GRK5: variants seen among roughly 807,000 people sequenced by gnomAD.
The protein encoded by GRK5 is G protein-coupled receptor kinase 5, also known as g protein-coupled receptor kinase GRK5.
Under a neutral mutation model 78.4 loss-of-function variants are expected in GRK5, and 40 were observed. The ratio of observed to expected loss-of-function variants is 0.51; its 90% confidence interval spans 0.40 to 0.66. The LOEUF (loss-of-function observed/expected upper bound fraction) is 0.66, where lower values mean the gene tolerates loss of function less well. Ranked by LOEUF, GRK5 falls within the 30% of genes least tolerant of loss-of-function variation. The pLI, the probability that GRK5 is intolerant of heterozygous loss-of-function variation, is 0.00. For synonymous variants in GRK5, 289 were observed against 296.8 expected, an observed-to-expected ratio of 0.97 and a Z score of 0.27; for missense variants, 598 against 759.9, an observed-to-expected ratio of 0.79 and a Z score of 2.50.
In GRK5 at chr10:119,282,060, G is replaced by A. The variant is rs559585491; in HGVS notation, c.53-44456G>A. Among the ~76,000 whole-genome samples, 311 of 152,076 alleles carry A rather than the reference G, an allele frequency of 2.0e-3. 1 individual carries two copies. The highest frequency in any genetic ancestry group is 3.9e-3 in the Non-Finnish European group (264 of 68,000). ...GTCTCTTGCTCTGCTGGCCACTGTCGCTTTCTGTGTGATCTCCCCATGCCA... is the reference window on the plus strand; with the variant it reads ...GTCTCTTGCTCTGCTGGCCACTGTCACTTTCTGTGTGATCTCCCCATGCCA... On this transcript the variant is annotated intron_variant, in intron 1 of 15. Transcript: ENST00000392870.
At chr10:119,320,899 C>T (rs1850572594) in intron 1 of GRK5, among the ~76,000 whole-genome samples, 1 of 152,204 alleles carries the variant, frequency 6.6e-6, no homozygotes, top group African/African-American at 2.4e-5. Flanking sequence ...GTGAGGTGGG[C>T]CTAGGGCAGC....
intron 1 of GRK5, among the ~76,000 whole-genome samples, chr10:119,224,103 A>C (rs1848698220): frequency 6.6e-6 from 1 of 152,132 alleles, no homozygotes; most frequent in South Asian, 2.1e-4. Context: ...GCAGTGTGCT[A>C]TGCACTGCAC....
intron 2 of GRK5, among the ~76,000 whole-genome samples, chr10:119,349,920 G>A (rs1311885533): frequency 6.6e-6 from 1 of 152,224 alleles, no homozygotes; most frequent in Non-Finnish European, 1.5e-5. Flanking sequence ...TGGAAGGTGT[G>A]GGCTGCTGTG....
At chr10:119,274,912 C>A (rs900713357) in intron 1 of GRK5, among the ~76,000 whole-genome samples, 1 of 152,278 alleles carries the variant, frequency 6.6e-6, no homozygotes, top group Middle Eastern at 3.4e-3. Context: ...CAAACAAAGA[C>A]CCTTTTAGTT....
intron 2 of GRK5, among the ~76,000 whole-genome samples, chr10:119,349,520 C>T (rs1851156247): frequency 6.6e-6 from 1 of 152,192 alleles, no homozygotes; most frequent in Non-Finnish European, 1.5e-5. Context: ...AACGCCTCCC[C>T]AGGGGGTCTC....
chr10:119,324,253 A>G (rs1416565222), intron 1 of GRK5, among the ~76,000 whole-genome samples: 1 of 152,238 alleles, frequency 6.6e-6, no homozygotes, highest in African/African-American at 2.4e-5. Flanking sequence ...TGGCTCTGCC[A>G]ATTATGAGCC....
chr10:119,384,449 G>A (rs897338056), intron 3 of GRK5, among the ~76,000 whole-genome samples: 2 of 152,186 alleles, frequency 1.3e-5, no homozygotes, highest in African/African-American at 4.8e-5. Context: ...TTAACCCCTC[G>A]TGTACTTCGT....
In GRK5 at chr10:119,455,291, C is replaced by G. The variant is rs756073020; in HGVS notation, c.*224C>G. On this transcript the variant is annotated 3_prime_UTR_variant, in exon 16 of 16. Coordinates refer to ENST00000392870, the MANE Select transcript of GRK5 (RefSeq NM_005308.3). ...CCCGGCCGGGGTGGATTGGATTTGT[C>G]TTTGGTGAACATTGCAATAGAAATC... The G allele has an allele frequency of 1.6e-5, 11 of 693,924 alleles. No homozygotes were observed. The South Asian group carries it at 1.7e-4, about 10-fold the overall frequency. 43.0% of individuals were successfully genotyped at this position (693,924 alleles called of 1,614,324 possible). A position where few individuals can be genotyped will look rare whatever the true frequency, so the allele number is the denominator to read the frequency against.
chr10:119,407,246 T>A (rs1295214482), intron 4 of GRK5, among the ~76,000 whole-genome samples: 1 of 152,188 alleles, frequency 6.6e-6, no homozygotes, highest in Non-Finnish European at 1.5e-5. Flanking sequence ...ACTCCTCATT[T>A]CCTAGATAAA....
At chr10:119,247,009 G>A (rs1849124747) in intron 1 of GRK5, among the ~76,000 whole-genome samples, 1 of 152,202 alleles carries the variant, frequency 6.6e-6, no homozygotes, top group Admixed American at 6.5e-5. Flanking sequence ...GCCGGGGTCA[G>A]ATCCGTGCCC....
At chr10:119,233,778 C>T (rs935179932) in intron 1 of GRK5, among the ~76,000 whole-genome samples, 2 of 152,222 alleles carry the variant, frequency 1.3e-5, no homozygotes, top group East Asian at 3.9e-4. Context: ...GGATGTGCAC[C>T]TTTGTCCCAG....
chr10:119,430,782 C>T lies in GRK5; in HGVS notation c.597+344C>T, dbSNP rs147748138. ...GCTGGGCAACCTTGGCCACTCAGTGCCTGGATGACGCTGTCATGCAAGATT... is the reference window on the plus strand; with the variant it reads ...GCTGGGCAACCTTGGCCACTCAGTGTCTGGATGACGCTGTCATGCAAGATT... On this transcript the variant is annotated intron_variant, in intron 7 of 15. Transcript: ENST00000392870. The surrounding 1 kb of genome is among the most constrained non-coding windows in gnomAD (Gnocchi z 4.5). 1.1e-3 allele frequency among the ~76,000 whole-genome samples: 170 copies of T among 152,260 alleles called. No individual in the cohort carries two copies. Among genetic ancestry groups the T allele is most frequent in the Non-Finnish European group, 2.1e-3 (141 of 68,008 alleles).
chr10:119,313,035 G>A (rs1564886973), intron 1 of GRK5, among the ~76,000 whole-genome samples: 23 of 114,364 alleles, frequency 2.0e-4, no homozygotes, highest in East Asian at 1.4e-3. Context: ...AATGGCAGTG[G>A]TGATGGTGGT....
At chr10:119,414,793 C>G (rs1053722709) in intron 4 of GRK5, among the ~76,000 whole-genome samples, 2 of 152,044 alleles carry the variant, frequency 1.3e-5, no homozygotes, top group Non-Finnish European at 2.9e-5. Context: ...CAAGAAAAGG[C>G]AATGATGGCC....
chr10:119,430,308 C>A lies in GRK5; in HGVS notation c.534-67C>A. The A allele has an allele frequency of 2.1e-6, 3 of 1,396,404 alleles. No homozygotes were observed. The highest frequency in any genetic ancestry group is 3.0e-6 in the Non-Finnish European group (3 of 984,054). The allele number at this position is 1,396,404 out of a possible 1,614,324, so 86.5% of individuals were successfully genotyped here. ...CCCCACCCCAGCTGCTCTCAATGTG[C>A]CACTGTTTCCTGTGGATTCTGAGTC... On this transcript the variant is annotated intron_variant, in intron 6 of 15. Coordinates refer to ENST00000392870, the MANE Select transcript of GRK5 (RefSeq NM_005308.3). This position sits in a 1 kb window ranked among gnomAD's most constrained non-coding sequence, Gnocchi z 4.5.
intron 1 of GRK5, among the ~76,000 whole-genome samples, chr10:119,309,273 A>G (rs762782907): frequency 2.6e-5 from 4 of 152,174 alleles, no homozygotes; most frequent in Non-Finnish European, 5.9e-5. Flanking sequence ...GCCGCCCACG[A>G]GCCTGTGAGC....
At chr10:119,442,152 G>A in intron 11 of GRK5, 64 bp downstream of exon 11, 2 of 1,312,292 alleles carry the variant, frequency 1.5e-6, no homozygotes, top group Non-Finnish European at 1.1e-6. Context: ...CGCCGGCCGA[G>A]CCCCCAGAGC....
At position 119,291,355 on chromosome 10, in the gene GRK5, C is replaced by G. The variant is rs77105331; in HGVS notation, c.53-35161C>G. The stretch of plus-strand genomic sequence containing the variant: ...AGGGTTGGGCGTTCAGCCTGGCATC[C>G]TTGGAAAAACAGGTCTGGGTGCAGG... On this transcript the variant is annotated intron_variant, in intron 1 of 15. Transcript: ENST00000392870. Among the ~76,000 whole-genome samples, 754 of 152,222 alleles carry G rather than the reference C, an allele frequency of 5.0e-3. 6 individuals carry two copies. The highest frequency in any genetic ancestry group is 0.017 in the African/African-American group (727 of 41,550).
chr10:119,256,333 A>C (rs1849285399), intron 1 of GRK5, among the ~76,000 whole-genome samples: 1 of 152,140 alleles, frequency 6.6e-6, no homozygotes, highest in South Asian at 2.1e-4. Context: ...GCGTGAAACC[A>C]GCAGGTGGGA....
Sources: gnomAD v4.1 joint callset for allele counts (sites outside exome capture counted in the v4.1 genomes callset) on GRCh38, gnomAD v4.1.1 for gene constraint, Gnocchi (gnomAD v3.1) non-coding constraint, MANE v1.5 for transcripts, NCBI Gene and HGNC (gene_info 2026-07-23, HGNC 2026-07-21) for gene names.